COL21A1: variants seen among roughly 807,000 people sequenced by gnomAD.
The protein encoded by COL21A1 is collagen type XXI alpha 1 chain, also known as collagen alpha-1(XXI) chain.
COL21A1 carries 149 observed loss-of-function variants against 137.9 expected under a neutral mutation model. The observed-to-expected ratio is 1.08, with a 90% CI of 0.95 to 1.24. The LOEUF is 1.24. Among genes scored for constraint, COL21A1 ranks in the 50% most tolerant of loss-of-function variants. COL21A1 has a pLI of 0.00. For missense variants in COL21A1, 1,167 were observed against 1,158.4 expected (o/e 1.01, Z -0.11); for synonymous variants, 456 against 391.5 (o/e 1.16, Z -1.95).
At chr6:56,180,226 A>C in intron 2 of COL21A1, 97 bp from the exon 3 acceptor site, 12 of 878,536 alleles carry the variant, frequency 1.4e-5, no homozygotes, top group South Asian at 2.0e-5. Flanking sequence ...CACTAATATC[A>C]TTGCTTATTT....
At chr6:56,155,532 T>G (rs1022144345) in intron 10 of COL21A1, among the ~76,000 whole-genome samples, 1 of 152,220 alleles carries the variant, frequency 6.6e-6, no homozygotes, top group Admixed American at 6.5e-5. Flanking sequence ...TAATGCCTCA[T>G]GATAAAGAAA....
intron 12 of COL21A1, among the ~76,000 whole-genome samples, chr6:56,131,797 T>C (rs1482950158): frequency 6.6e-6 from 1 of 152,096 alleles, no homozygotes; most frequent in Non-Finnish European, 1.5e-5. Flanking sequence ...TACTATATGC[T>C]GTTGAGAGAG....
chr6:56,306,563 C>G (rs950802920), intron 1 of COL21A1, among the ~76,000 whole-genome samples: 8 of 147,980 alleles, frequency 5.4e-5, no homozygotes, highest in African/African-American at 2.0e-4. Context: ...AGTTCTCGTG[C>G]CTTGGTTTTC....
chr6:56,059,470 G>T, intron 28 of COL21A1, among the ~76,000 whole-genome samples: 1 of 152,066 alleles, frequency 6.6e-6, no homozygotes, highest in Middle Eastern at 3.2e-3. Context: ...AAAGAAAATG[G>T]TTTGGAATTA....
chr6:56,119,745 A>G (rs913101441), intron 16 of COL21A1, among the ~76,000 whole-genome samples: 1 of 152,196 alleles, frequency 6.6e-6, no homozygotes. Flanking sequence ...GAACCCAGAA[A>G]CAAATCTACA....
At chr6:56,340,919 T>G (rs1252200324) in intron 1 of COL21A1, among the ~76,000 whole-genome samples, 6 of 152,176 alleles carry the variant, frequency 3.9e-5, no homozygotes, top group Non-Finnish European at 1.5e-5. Flanking sequence ...ATCAGACCCC[T>G]TTGTTGATTG....
chr6:56,245,632 A>G (rs920709002), intron 1 of COL21A1, among the ~76,000 whole-genome samples: 2 of 152,078 alleles, frequency 1.3e-5, no homozygotes, highest in African/African-American at 4.8e-5. Flanking sequence ...ATTATGAGGT[A>G]AGTGTACTAG....
intron 17 of COL21A1, among the ~76,000 whole-genome samples, chr6:56,096,538 G>A (rs999020924): frequency 6.6e-6 from 1 of 152,148 alleles, no homozygotes; most frequent in African/African-American, 2.4e-5. Flanking sequence ...ATTACTTTTA[G>A]GATTGACAAA....
chr6:56,374,630 G>C (rs1435284454), intron 1 of COL21A1, among the ~76,000 whole-genome samples: 1 of 150,180 alleles, frequency 6.7e-6, no homozygotes, highest in Non-Finnish European at 1.5e-5. Context: ...GCTGAGGCAG[G>C]AGAATCTCTT....
intron 1 of COL21A1, among the ~76,000 whole-genome samples, chr6:56,375,807 G>A (rs531178995): frequency 6.6e-6 from 1 of 152,250 alleles, no homozygotes; most frequent in East Asian, 1.9e-4. Flanking sequence ...GGAAATTAAA[G>A]GCAGGAAGAA....
At chr6:56,232,945 A>G (rs1212180619) in intron 1 of COL21A1, among the ~76,000 whole-genome samples, 2 of 151,914 alleles carry the variant, frequency 1.3e-5, no homozygotes, top group Non-Finnish European at 1.5e-5. Flanking sequence ...TAGAAGAACA[A>G]TAATACTCAG....
intron 17 of COL21A1, among the ~76,000 whole-genome samples, chr6:56,093,233 T>C (rs2114215507): frequency 6.6e-6 from 1 of 152,236 alleles, no homozygotes; most frequent in Non-Finnish European, 1.5e-5. Flanking sequence ...GTCTACCCTC[T>C]GGCCTTCAAA....
At chr6:56,259,861 C>T (rs568689610) in intron 1 of COL21A1, among the ~76,000 whole-genome samples, 1 of 152,312 alleles carries the variant, frequency 6.6e-6, no homozygotes. Flanking sequence ...AATATGTGCT[C>T]TTTATAACTA....
chr6:56,356,832 C>T (rs1210896964), intron 1 of COL21A1, among the ~76,000 whole-genome samples: 2 of 152,078 alleles, frequency 1.3e-5, no homozygotes, highest in Admixed American at 1.3e-4. Context: ...AATACTGAAG[C>T]AATCACAGCA....
chr6:56,141,721 C>T (rs755041861), intron 12 of COL21A1, 64 bp downstream of exon 12: 47 of 1,533,256 alleles, frequency 3.1e-5, no homozygotes, highest in Non-Finnish European at 4.2e-5. Flanking sequence ...TGGAAACCAT[C>T]ACAGCTAACA....
At chr6:56,364,033 T>C (rs528276457) in intron 1 of COL21A1, among the ~76,000 whole-genome samples, 109 of 152,348 alleles carry the variant, frequency 7.2e-4, no homozygotes, top group African/African-American at 2.5e-3. Context: ...GTTGGAAAGC[T>C]GCCAAGATAA....
intron 1 of COL21A1, among the ~76,000 whole-genome samples, chr6:56,260,709 CAGGCAGGAAGGGAGGCAGGCAGGAAGGA>C (rs1291659346): frequency 7.7e-6 from 1 of 130,302 alleles, no homozygotes; most frequent in Non-Finnish European, 1.7e-5. Flanking sequence ...GGCAGGCAGG[CAGGCAGGAAGGGAGGCAGGCAGGAAGGA>C]AGGAAGGAAG....
intron 1 of COL21A1, among the ~76,000 whole-genome samples, chr6:56,197,897 A>G (rs773746936): frequency 1.3e-5 from 2 of 152,140 alleles, no homozygotes; most frequent in African/African-American, 2.4e-5. Context: ...AGAGGTATCT[A>G]TAGTCCCATA....
intron 16 of COL21A1, among the ~76,000 whole-genome samples, chr6:56,122,312 CTTTTTT>C (rs11410654): frequency 3.5e-5 from 5 of 143,944 alleles, no homozygotes; most frequent in Admixed American, 2.1e-4. Flanking sequence ...CATGCGGTTT[CTTTTTT>C]TTTTTTTTCT....
Sources: gnomAD v4.1 joint callset for allele counts (sites outside exome capture counted in the v4.1 genomes callset) on GRCh38, gnomAD v4.1.1 for gene constraint, MANE v1.5 for transcripts, NCBI Gene and HGNC (gene_info 2026-07-23, HGNC 2026-07-21) for gene names.